The following NCOA1 variants were observed in gnomAD, a reference collection of about 807,000 sequenced individuals.
NCOA1 encodes nuclear receptor coactivator 1.
NCOA1 carries 35 observed loss-of-function variants against 150.9 expected under a neutral mutation model. The observed-to-expected ratio is 0.23, with a 90% confidence interval of 0.18 to 0.31. The LOEUF (loss-of-function observed/expected upper bound fraction) is 0.31, where lower values mean the gene tolerates loss of function less well. Ranked by LOEUF, NCOA1 falls within the 10% of genes least tolerant of loss-of-function variation. The probability of loss-of-function intolerance (pLI) is 1.00; values close to 1 mark genes in which losing one functional copy is unlikely to be tolerated. For synonymous variants in NCOA1, 590 were observed against 630.0 expected (o/e 0.94, Z 0.95); for missense variants, 1,491 against 1,749.3 (o/e 0.85, Z 2.63).
chr2:24,653,061 C>T (rs1303724005), intron 4 of NCOA1, among the ~76,000 whole-genome samples: 1 of 152,120 alleles, frequency 6.6e-6, no homozygotes, highest in African/African-American at 2.4e-5. Context: ...TTCAGTAGGC[C>T]AGCCTGTCTG....
chr2:24,611,921 G>C (rs1347944027), intron 3 of NCOA1, among the ~76,000 whole-genome samples: 1 of 152,012 alleles, frequency 6.6e-6, no homozygotes, highest in Non-Finnish European at 1.5e-5. Flanking sequence ...TACATTCACA[G>C]TTAATATTGA....
intron 3 of NCOA1, among the ~76,000 whole-genome samples, chr2:24,612,622 C>G (rs1192230817): frequency 2.6e-5 from 4 of 151,888 alleles, no homozygotes; most frequent in South Asian, 2.1e-4. Flanking sequence ...CTGACTAGAT[C>G]AGTTCAAAAG....
intron 7 of NCOA1, among the ~76,000 whole-genome samples, chr2:24,681,961 G>A (rs889690449): frequency 2.6e-5 from 4 of 152,048 alleles, no homozygotes; most frequent in South Asian, 2.1e-4. Flanking sequence ...TGATCCACCC[G>A]CCTCAGCCTC....
At chr2:24,575,785 G>T (rs1349839022) in intron 2 of NCOA1, among the ~76,000 whole-genome samples, 1 of 152,082 alleles carries the variant, frequency 6.6e-6, no homozygotes, top group African/African-American at 2.4e-5. Context: ...GTGTTAGCCA[G>T]GATGGTCTCG....
chr2:24,523,461 C>G (rs1016896166), intron 1 of NCOA1, among the ~76,000 whole-genome samples: 1 of 149,344 alleles, frequency 6.7e-6, no homozygotes, highest in Non-Finnish European at 1.5e-5. Flanking sequence ...AAAAAAATTG[C>G]CAGGTGTGGT....
At chr2:24,659,853 C>T (rs940175863) in intron 5 of NCOA1, among the ~76,000 whole-genome samples, 1 of 152,178 alleles carries the variant, frequency 6.6e-6, no homozygotes, top group Non-Finnish European at 1.5e-5. Context: ...CCAAAAATGT[C>T]TCCAAACATT....
intron 4 of NCOA1, among the ~76,000 whole-genome samples, chr2:24,653,324 A>G (rs187848484): frequency 2.0e-5 from 3 of 152,266 alleles, no homozygotes; most frequent in African/African-American, 7.2e-5. Flanking sequence ...TTACTTTTTC[A>G]AAATTAGAAT....
At chr2:24,539,923 G>A (rs530102855) in intron 1 of NCOA1, among the ~76,000 whole-genome samples, 2 of 152,318 alleles carry the variant, frequency 1.3e-5, no homozygotes, top group East Asian at 3.9e-4. Flanking sequence ...CAAAGTAAAG[G>A]ATCTGTTTCC....
intron 14 of NCOA1, among the ~76,000 whole-genome samples, chr2:24,720,225 C>A (rs1674288301): frequency 6.6e-6 from 1 of 152,128 alleles, no homozygotes; most frequent in Non-Finnish European, 1.5e-5. Context: ...CAGATGGTTG[C>A]CTCTATTGAG....
chr2:24,552,555 C>T (rs531832051), intron 1 of NCOA1, among the ~76,000 whole-genome samples: 22 of 150,666 alleles, frequency 1.5e-4, no homozygotes, highest in African/African-American at 5.4e-4. Flanking sequence ...TTAGTAGAGA[C>T]GGGGTTTCAC....
chr2:24,591,725 G>T (rs1468372710), intron 3 of NCOA1, among the ~76,000 whole-genome samples: 1 of 151,952 alleles, frequency 6.6e-6, no homozygotes, highest in Non-Finnish European at 1.5e-5. Flanking sequence ...GACATGCTTT[G>T]CTTCTTTAAC....
intron 4 of NCOA1, among the ~76,000 whole-genome samples, chr2:24,650,047 T>G (rs1670645143): frequency 6.6e-6 from 1 of 152,182 alleles, no homozygotes; most frequent in African/African-American, 2.4e-5. Context: ...GTTTTGATTT[T>G]TAAGAATTCA....
chr2:24,601,614 T>C (rs199522570), intron 3 of NCOA1, among the ~76,000 whole-genome samples: 9 of 140,294 alleles, frequency 6.4e-5, no homozygotes, highest in Admixed American at 1.4e-4. Context: ...CCTTCCTCCT[T>C]TTTTTTTTTT....
Position 24,629,817 on chromosome 2 carries a change from C to CATAT in NCOA1, c.-174-14122_-174-14119dup, listed in dbSNP as rs57598398. 3.6e-3 allele frequency among the ~76,000 whole-genome samples: 285 copies of CATAT among 79,318 alleles called. 3 individuals carry two copies. Among genetic ancestry groups the CATAT allele is most frequent in the South Asian group, 6.4e-3 (13 of 2,016 alleles). The allele number at this position is 79,318 out of a possible 152,430, so 52.0% of individuals were successfully genotyped here. A position where few individuals can be genotyped will look rare whatever the true frequency, so the allele number is the denominator to read the frequency against. On this transcript the variant is annotated intron_variant, in intron 3 of 22. Coordinates refer to ENST00000348332, the MANE Select transcript of NCOA1 (RefSeq NM_003743.5). ...GACACTGTTTTAAGTAACATACATACATATATATATATATATATATATATA... is the reference window on the plus strand; with the variant it reads ...GACACTGTTTTAAGTAACATACATACATATATATATATATATATATATATATATA...
intron 1 of NCOA1, among the ~76,000 whole-genome samples, chr2:24,530,072 T>G (rs1664816390): frequency 6.6e-6 from 1 of 152,132 alleles, no homozygotes; most frequent in Non-Finnish European, 1.5e-5. Flanking sequence ...ATCCAAAGAG[T>G]TGCAACCAAA....
At chr2:24,552,324 TATATATA>T (rs1665864667) in intron 1 of NCOA1, among the ~76,000 whole-genome samples, 17 of 11,982 alleles carry the variant, frequency 1.4e-3, no homozygotes, top group East Asian at 4.8e-3. Context: ...ATATATATTA[TATATATA>T]TATATATATA....
intron 2 of NCOA1, among the ~76,000 whole-genome samples, chr2:24,583,555 C>A (rs910532753): frequency 6.6e-6 from 1 of 152,100 alleles, no homozygotes; most frequent in African/African-American, 2.4e-5. Flanking sequence ...ATTTACCCAA[C>A]ATAAAGGATA....
intron 7 of NCOA1, among the ~76,000 whole-genome samples, chr2:24,673,765 T>C (rs1176343084): frequency 1.3e-5 from 2 of 152,182 alleles, no homozygotes; most frequent in African/African-American, 4.8e-5. Context: ...AAATAAAATA[T>C]TAATATTAGA....
At chr2:24,552,748 A>G (rs1665913187) in intron 1 of NCOA1, among the ~76,000 whole-genome samples, 1 of 152,024 alleles carries the variant, frequency 6.6e-6, no homozygotes, top group Non-Finnish European at 1.5e-5. Context: ...AATTGCTACT[A>G]TTTTGTGAAC....
Sources: gnomAD v4.1 joint callset for allele counts (sites outside exome capture counted in the v4.1 genomes callset) on GRCh38, gnomAD v4.1.1 for gene constraint, MANE v1.5 for transcripts, NCBI Gene and HGNC (gene_info 2026-07-23, HGNC 2026-07-21) for gene names.